PCDHA3: variants seen among roughly 807,000 people sequenced by gnomAD.
The protein encoded by PCDHA3 is protocadherin alpha-3.
A neutral mutation model predicts 62.2 loss-of-function variants in PCDHA3; 41 were observed. The observed-to-expected ratio is 0.66, with a 90% CI of 0.51 to 0.86. The LOEUF (loss-of-function observed/expected upper bound fraction) is 0.86. PCDHA3 is among the 40% of genes least tolerant of loss of function. The probability of loss-of-function intolerance (pLI) is 0.00; values close to 1 mark genes in which losing one functional copy is unlikely to be tolerated. For synonymous variants in PCDHA3, 640 were observed against 555.4 expected (o/e 1.15, Z -2.14); for missense variants, 1,304 against 1,241.2 (o/e 1.05, Z -0.76).
At chr5:140,850,365 G>C in intron 1 of PCDHA3, 1 of 1,597,962 alleles carries the variant, frequency 6.3e-7, no homozygotes, top group Middle Eastern at 1.7e-4. Flanking sequence ...CCCGTTCCGC[G>C]TGGGGCTGTA....
intron 3 of PCDHA3, among the ~76,000 whole-genome samples, chr5:140,991,358 A>G (rs1417256360): frequency 6.6e-6 from 1 of 152,234 alleles, no homozygotes; most frequent in African/African-American, 2.4e-5. Context: ...AAGACTATTT[A>G]CTGTCTGAGT....
At chr5:141,008,426 C>T (rs2098375902) in intron 3 of PCDHA3, among the ~76,000 whole-genome samples, 1 of 152,170 alleles carries the variant, frequency 6.6e-6, no homozygotes, top group Non-Finnish European at 1.5e-5. Flanking sequence ...ACTGGGATCA[C>T]TTTGCCCAGA....
rs139717033 is a variant in PCDHA3 at position 140,850,329 on chromosome 5, C to A, written c.2394+46738C>A. ...CAACGCGTGGCTTTCATACGAGCTG[C>A]AGCCAGAAACGGCCAGCGCGAGCAT... On this transcript the variant is annotated intron_variant, in intron 1 of 3. Coordinates refer to ENST00000522353, the MANE Select transcript of PCDHA3 (RefSeq NM_018906.3). 510 of 1,597,650 alleles carry A rather than the reference C, an allele frequency of 3.2e-4. 26 individuals are homozygous for A. The African/African-American group carries it at 6.2e-3, about 19-fold the overall frequency.
intron 1 of PCDHA3, among the ~76,000 whole-genome samples, chr5:140,942,586 A>C (rs559683622): frequency 1.3e-5 from 2 of 150,518 alleles, no homozygotes; most frequent in African/African-American, 4.9e-5. Context: ...ATAGGATGTC[A>C]CATATAATTA....
chr5:140,840,750 A>G (rs1261574631), intron 1 of PCDHA3, among the ~76,000 whole-genome samples: 1 of 152,112 alleles, frequency 6.6e-6, no homozygotes, highest in Non-Finnish European at 1.5e-5. Flanking sequence ...CAATAAGAAC[A>G]CAAGAAGATA....
chr5:140,828,715 C>T, intron 1 of PCDHA3: 1 of 1,614,274 alleles, frequency 6.2e-7, no homozygotes, highest in Non-Finnish European at 8.5e-7. Flanking sequence ...CTCCTGCACA[C>T]AACTTATTCC....
chr5:140,994,156 C>T (rs926993777), intron 3 of PCDHA3, among the ~76,000 whole-genome samples: 25 of 152,124 alleles, frequency 1.6e-4, no homozygotes, highest in African/African-American at 4.1e-4. Context: ...GTAGGGTCAA[C>T]GAAGGGGAAG....
intron 1 of PCDHA3, chr5:140,825,614 G>A (rs1415986913): frequency 6.6e-6 from 1 of 151,662 alleles, no homozygotes; most frequent in Non-Finnish European, 1.5e-5. Flanking sequence ...TAGAGACGGG[G>A]TTTCACCATG....
intron 1 of PCDHA3, among the ~76,000 whole-genome samples, chr5:140,965,125 C>A (rs571083058): frequency 6.6e-6 from 1 of 152,308 alleles, no homozygotes; most frequent in Non-Finnish European, 1.5e-5. Context: ...GGAAGATCTA[C>A]AGATGACAGA....
intron 1 of PCDHA3, among the ~76,000 whole-genome samples, chr5:140,889,104 T>C (rs2062103050): frequency 6.6e-6 from 1 of 151,956 alleles, no homozygotes; most frequent in Admixed American, 6.6e-5. Flanking sequence ...TTTTTCATCT[T>C]TATTCCAGGT....
intron 1 of PCDHA3, chr5:140,870,456 G>T (rs782212198): frequency 6.2e-7 from 1 of 1,614,230 alleles, no homozygotes. Context: ...ACGACAATGC[G>T]CCTGCGTTCG....
At chr5:140,977,356 TA>T (rs2096758024) in intron 1 of PCDHA3, among the ~76,000 whole-genome samples, 1 of 152,250 alleles carries the variant, frequency 6.6e-6, no homozygotes, top group South Asian at 2.1e-4. Flanking sequence ...GACTGATTGA[TA>T]AAAAGTATTT....
intron 1 of PCDHA3, among the ~76,000 whole-genome samples, chr5:140,893,588 A>G (rs2064072698): frequency 6.6e-6 from 1 of 152,212 alleles, no homozygotes; most frequent in South Asian, 2.1e-4. Flanking sequence ...TTGTTTGGGA[A>G]ATACTTTATT....
intron 1 of PCDHA3, among the ~76,000 whole-genome samples, chr5:140,973,831 C>T (rs1212841510): frequency 1.3e-5 from 2 of 152,214 alleles, no homozygotes; most frequent in African/African-American, 4.8e-5. Flanking sequence ...GTTCTGGGTA[C>T]TTGCTTGTTG....
rs1554121894 is a variant in PCDHA3 at position 140,802,145 on chromosome 5, T to A, written c.948T>A (p.Tyr316Ter). The change falls in exon 1 of 4, where the codon TAT (tyrosine) becomes TAA (stop). Residue 316 changes from tyrosine (Y) to a stop codon, truncating the protein, a stop_gained. Coordinates refer to ENST00000522353, the MANE Select transcript of PCDHA3 (RefSeq NM_018906.3). LOFTEE classifies it high-confidence loss of function. ...TAGATTTCGAGGAAAGTAAGTCATA[T>A]GAAATCCAGGTAGAAGCCACGGATA... Reference protein sequence around the residue: ...GNIDFEESKSYEIQVEATDKG... With the variant: ...GNIDFEESKS 2.5e-6 allele frequency: 4 copies of A among 1,614,236 alleles called. No individual in the cohort carries two copies. The highest frequency in any genetic ancestry group is 2.5e-6 in the Non-Finnish European group (3 of 1,180,036).
chr5:140,857,262 CAT>C, intron 1 of PCDHA3: 1 of 1,598,710 alleles, frequency 6.3e-7, no homozygotes, highest in Non-Finnish European at 8.6e-7. Flanking sequence ...AATTACTACT[CAT>C]TGGTGCTGGA....
chr5:140,803,243 G>C lies in PCDHA3; in HGVS notation c.2046G>C (p.Ala682=). ...SGQAPKASSQ[A]SAGATGPEAA... ...AGGCACCCAAGGCCTCGTCCCAGGC[G>C]TCCGCTGGCGCCACGGGCCCGGAAG... Residue 682 remains alanine (A), a synonymous_variant, in exon 1 of 4, where the codon GCG becomes GCC. Coordinates refer to ENST00000522353, the MANE Select transcript of PCDHA3 (RefSeq NM_018906.3). 6.2e-7 allele frequency: 1 copy of C among 1,613,826 alleles called. No homozygotes were observed. The highest frequency in any genetic ancestry group is 8.5e-7 in the Non-Finnish European group (1 of 1,179,950).
At chr5:140,929,294 G>A in intron 1 of PCDHA3, 1 of 1,594,058 alleles carries the variant, frequency 6.3e-7, no homozygotes, top group Non-Finnish European at 8.6e-7. Flanking sequence ...ATTCGGAATA[G>A]GAAAGGGGAT....
intron 1 of PCDHA3, among the ~76,000 whole-genome samples, chr5:140,934,109 A>G (rs2089636629): frequency 6.6e-6 from 1 of 151,948 alleles, no homozygotes; most frequent in Non-Finnish European, 1.5e-5. Flanking sequence ...CTATTTTATT[A>G]ATTTTCATAC....
Sources: allele counts gnomAD v4.1 joint callset (sites outside exome capture counted in the v4.1 genomes callset), GRCh38; gene constraint gnomAD v4.1.1; transcripts MANE v1.5; gene names NCBI Gene and HGNC (gene_info 2026-07-23, HGNC 2026-07-21).